Variants in GRIK4 observed in about 807,000 individuals in gnomAD.
GRIK4 encodes the protein glutamate ionotropic receptor kainate type subunit 4, also known as glutamate receptor ionotropic, kainate 4.
GRIK4 carries 40 observed loss-of-function variants against 104.9 expected under a neutral mutation model. That is an observed-to-expected ratio of 0.38 (90% confidence interval 0.30 to 0.50). The LOEUF is 0.50. GRIK4 is among the 20% of genes least tolerant of loss of function. GRIK4 has a pLI of 0.93. For synonymous variants in GRIK4, 485 were observed against 524.9 expected (o/e 0.92, Z 1.04); for missense variants, 1,047 against 1,308.1 (o/e 0.80, Z 3.08).
chr11:120,905,581 C>T lies in GRIK4; in HGVS notation c.1476+88C>T. 1 of 868,934 alleles carries T rather than the reference C, an allele frequency of 1.2e-6. No homozygotes were observed. The highest frequency in any genetic ancestry group is 1.9e-6 in the Non-Finnish European group (1 of 527,772). 53.8% of individuals were successfully genotyped at this position (868,934 alleles called of 1,614,324 possible). On this transcript the variant is annotated intron_variant, in intron 13 of 20. Coordinates refer to ENST00000527524, the MANE Select transcript of GRIK4 (RefSeq NM_014619.5). The surrounding 1 kb of genome is among the most constrained non-coding windows in gnomAD (Gnocchi z 5.1). ...GTTGTGCTGCACGCTCATGAACCCT[C>T]CATTTGTTCAGTCAATCATTCATGC... is the stretch of plus-strand genomic sequence containing the variant.
chr11:120,512,972 C>T (rs1947681726), intron 1 of GRIK4, among the ~76,000 whole-genome samples: 1 of 152,176 alleles, frequency 6.6e-6, no homozygotes, highest in African/African-American at 2.4e-5. Context: ...GGACCTTGGG[C>T]TGCGTGGCTC....
chr11:120,772,808 T>G (rs1951972765), intron 3 of GRIK4, among the ~76,000 whole-genome samples: 1 of 151,912 alleles, frequency 6.6e-6, no homozygotes, highest in South Asian at 2.1e-4. Context: ...GAGGGATACC[T>G]CTTCCCTGGG....
chr11:120,800,730 A>G (rs1277211090), intron 3 of GRIK4, among the ~76,000 whole-genome samples: 1 of 152,230 alleles, frequency 6.6e-6, no homozygotes, highest in Non-Finnish European at 1.5e-5. Flanking sequence ...GCTTTGCAAT[A>G]TTCTGTGTCC....
At chr11:120,885,632 G>A (rs1292952368) in intron 11 of GRIK4, among the ~76,000 whole-genome samples, 1 of 152,118 alleles carries the variant, frequency 6.6e-6, no homozygotes, top group Non-Finnish European at 1.5e-5. Flanking sequence ...TCACCTGCCC[G>A]CCTCGGCCTC....
chr11:120,544,011 C>G (rs1217989121), intron 1 of GRIK4, among the ~76,000 whole-genome samples: 3 of 152,194 alleles, frequency 2.0e-5, no homozygotes, highest in African/African-American at 7.2e-5. Context: ...TCAGAGGGCA[C>G]AAAGCTTCAG....
At chr11:120,803,389 G>C (rs1228207865) in intron 4 of GRIK4, among the ~76,000 whole-genome samples, 1 of 152,076 alleles carries the variant, frequency 6.6e-6, no homozygotes, top group Non-Finnish European at 1.5e-5. Context: ...GGAATACTAG[G>C]CTCTATTTTG....
chr11:120,681,641 T>TGAGAACA (rs1228353354), intron 3 of GRIK4, among the ~76,000 whole-genome samples: 1 of 152,172 alleles, frequency 6.6e-6, no homozygotes, highest in Admixed American at 6.5e-5. Context: ...GGGAGCGTAA[T>TGAGAACA]GAGAACAGAG....
chr11:120,816,129 G>A (rs554604941), intron 5 of GRIK4, among the ~76,000 whole-genome samples: 1 of 152,176 alleles, frequency 6.6e-6, no homozygotes, highest in South Asian at 2.1e-4. Flanking sequence ...AAAAATGGTA[G>A]GGCACAAGTT....
intron 3 of GRIK4, among the ~76,000 whole-genome samples, chr11:120,771,342 G>A (rs1951938662): frequency 6.6e-6 from 1 of 152,196 alleles, no homozygotes; most frequent in Non-Finnish European, 1.5e-5. Context: ...TTCTTATAAA[G>A]TGGCAAAGAA....
At chr11:120,898,440 G>T (rs1942642797) in intron 11 of GRIK4, 92 bp from the exon 12 acceptor site, 1 of 732,742 alleles carries the variant, frequency 1.4e-6, no homozygotes. Context: ...CTGCTCACAT[G>T]CAGCCCAGCC....
At chr11:120,525,554 C>A (rs1947846644) in intron 1 of GRIK4, among the ~76,000 whole-genome samples, 1 of 152,156 alleles carries the variant, frequency 6.6e-6, no homozygotes, top group Admixed American at 6.5e-5. Context: ...GGAGAAGAGA[C>A]CAGCAGGGGT....
intron 11 of GRIK4, among the ~76,000 whole-genome samples, chr11:120,885,143 C>T (rs1592037569): frequency 6.6e-6 from 1 of 152,264 alleles, no homozygotes; most frequent in African/African-American, 2.4e-5. Context: ...CTCCAGCATG[C>T]CTGAGCTCTC....
intron 5 of GRIK4, among the ~76,000 whole-genome samples, chr11:120,818,944 A>T (rs1265285812): frequency 6.6e-6 from 1 of 152,180 alleles, no homozygotes; most frequent in African/African-American, 2.4e-5. Context: ...TTACATTGTA[A>T]CTTTCCTATT....
chr11:120,550,262 G>A (rs1210118032), intron 1 of GRIK4, among the ~76,000 whole-genome samples: 3 of 150,534 alleles, frequency 2.0e-5, no homozygotes, highest in Non-Finnish European at 4.4e-5. Context: ...AGGGCTGAAA[G>A]GAAGAGGTGG....
chr11:120,977,597 C>G lies in GRIK4; in HGVS notation c.2396-4509C>G, dbSNP rs147834154. On this transcript the variant is annotated intron_variant, in intron 19 of 20. Transcript: ENST00000527524. ...TCTTTCCAATAACTTCCTCAAGGCACGAATGGTATACAAGCCTTGCTTCTA... is the reference window on the plus strand; with the variant it reads ...TCTTTCCAATAACTTCCTCAAGGCAGGAATGGTATACAAGCCTTGCTTCTA... Among the ~76,000 whole-genome samples, 4 of 152,314 alleles carry G rather than the reference C, an allele frequency of 2.6e-5. No homozygotes were observed. The East Asian group carries it at 7.7e-4, about 29-fold the overall frequency.
chr11:120,554,937 G>T (rs1382796800), intron 1 of GRIK4, among the ~76,000 whole-genome samples: 7 of 152,176 alleles, frequency 4.6e-5, no homozygotes, highest in African/African-American at 1.7e-4. Flanking sequence ...TGTCTGCCCT[G>T]CCTGGTGGGT....
intron 3 of GRIK4, among the ~76,000 whole-genome samples, chr11:120,682,404 A>T (rs1423395143): frequency 6.6e-6 from 1 of 152,036 alleles, no homozygotes; most frequent in Non-Finnish European, 1.5e-5. Context: ...ACACTTGCTT[A>T]TTTGGCCTGT....
chr11:120,883,862 C>T (rs994029346), intron 11 of GRIK4, among the ~76,000 whole-genome samples: 3 of 152,226 alleles, frequency 2.0e-5, no homozygotes, highest in Admixed American at 6.5e-5. Flanking sequence ...GACTCTTTTC[C>T]GTGCCTCTTC....
chr11:120,937,581 G>T (rs1296305299), intron 13 of GRIK4, among the ~76,000 whole-genome samples: 1 of 152,146 alleles, frequency 6.6e-6, no homozygotes. Flanking sequence ...CTCTTGACCG[G>T]GGACAAAGGA....
Sources: gnomAD v4.1 joint callset for allele counts (sites outside exome capture counted in the v4.1 genomes callset) on GRCh38, gnomAD v4.1.1 for gene constraint, Gnocchi (gnomAD v3.1) non-coding constraint, MANE v1.5 for transcripts, NCBI Gene and HGNC (gene_info 2026-07-23, HGNC 2026-07-21) for gene names.